AP3B1: variants seen among roughly 807,000 people sequenced by gnomAD.
The protein encoded by AP3B1 is AP-3 complex subunit beta-1.
AP3B1 carries 61 observed loss-of-function variants against 132.5 expected under a neutral mutation model. That is an observed-to-expected ratio of 0.46 (90% confidence interval 0.37 to 0.57). AP3B1 has a LOEUF of 0.57. Ranked by LOEUF, AP3B1 falls within the 20% of genes least tolerant of loss-of-function variation. AP3B1 has a pLI of 0.00. For synonymous variants in AP3B1, 388 were observed against 438.3 expected (o/e 0.89, Z 1.43); for missense variants, 1,120 against 1,289.4 (o/e 0.87, Z 2.01).
At position 78,228,251 on chromosome 5, in the gene AP3B1, A is replaced by G. The variant is rs774665554; in HGVS notation, c.280-12T>C. ...ACCAACTTCTTGATCTGTTAAAAAA[A>G]AATCATTTATTCATAACCAGAGTGA... On this transcript the variant is annotated splice_polypyrimidine_tract_variant and intron_variant, in intron 3 of 26. Coordinates refer to ENST00000255194, the MANE Select transcript of AP3B1 (RefSeq NM_003664.5). 3 of 1,596,440 alleles carry G rather than the reference A, an allele frequency of 1.9e-6. No homozygotes were observed. Among genetic ancestry groups the G allele is most frequent in the Non-Finnish European group, 2.6e-6 (3 of 1,168,442 alleles).
intron 14 of AP3B1, among the ~76,000 whole-genome samples, chr5:78,145,256 CATAGCTAATATCT>C (rs1373150184): frequency 6.6e-6 from 1 of 152,222 alleles, no homozygotes; most frequent in African/African-American, 2.4e-5. Context: ...AAACAAATTA[CATAGCTAATATCT>C]ATTGAGCTCT....
At chr5:78,096,486 G>A (rs1253938197) in intron 21 of AP3B1, among the ~76,000 whole-genome samples, 2 of 151,544 alleles carry the variant, frequency 1.3e-5, no homozygotes, top group Non-Finnish European at 2.9e-5. Context: ...TCTGGGATGT[G>A]AGGAGCCCCT....
intron 22 of AP3B1, among the ~76,000 whole-genome samples, chr5:78,044,944 C>G (rs533590410): frequency 6.4e-4 from 98 of 152,292 alleles, no homozygotes; most frequent in African/African-American, 2.2e-3. Context: ...AATGAATTCA[C>G]CGTCTAAAAA....
At chr5:78,112,090 T>C (rs902060519) in intron 19 of AP3B1, among the ~76,000 whole-genome samples, 3 of 152,080 alleles carry the variant, frequency 2.0e-5, no homozygotes, top group Non-Finnish European at 4.4e-5. Flanking sequence ...TTAAAGCTTA[T>C]TAGGAGCTTT....
intron 21 of AP3B1, among the ~76,000 whole-genome samples, chr5:78,096,162 C>T (rs965289541): frequency 7.2e-5 from 11 of 152,182 alleles, no homozygotes; most frequent in African/African-American, 2.2e-4. Context: ...AGGCGCGCGC[C>T]GCCATGCCTG....
At chr5:78,278,515 C>G in intron 1 of AP3B1, among the ~76,000 whole-genome samples, 1 of 102,486 alleles carries the variant, frequency 9.8e-6, no homozygotes, top group East Asian at 2.9e-4. Context: ...AGGAGAATGG[C>G]GTGAACCCGG....
At chr5:78,207,939 G>A (rs993765420) in intron 7 of AP3B1, among the ~76,000 whole-genome samples, 1 of 152,054 alleles carries the variant, frequency 6.6e-6, no homozygotes, top group African/African-American at 2.4e-5. Flanking sequence ...CAAGAGCCCA[G>A]GTAAAATATC....
intron 24 of AP3B1, among the ~76,000 whole-genome samples, chr5:78,028,419 G>C (rs570844450): frequency 6.6e-6 from 1 of 150,812 alleles, no homozygotes; most frequent in Non-Finnish European, 1.5e-5. Context: ...AGCTGAGAGC[G>C]CCTGGGCAAC....
chr5:78,173,492 A>T (rs1744013316), intron 11 of AP3B1, among the ~76,000 whole-genome samples: 1 of 151,962 alleles, frequency 6.6e-6, no homozygotes, highest in African/African-American at 2.4e-5. Context: ...TGTTGAATTG[A>T]TCCCTTTACC....
At chr5:78,185,194 C>A (rs1457545500) in intron 7 of AP3B1, among the ~76,000 whole-genome samples, 1 of 152,068 alleles carries the variant, frequency 6.6e-6, no homozygotes, top group Non-Finnish European at 1.5e-5. Context: ...ATAAGCAGAC[C>A]TATCCTGAAA....
At chr5:78,127,075 C>T (rs757458218) in intron 17 of AP3B1, among the ~76,000 whole-genome samples, 1 of 152,126 alleles carries the variant, frequency 6.6e-6, no homozygotes, top group Non-Finnish European at 1.5e-5. Context: ...TTAAGAGAAA[C>T]ATTTAATAAT....
chr5:78,209,717 T>C (rs79004425), intron 7 of AP3B1, among the ~76,000 whole-genome samples: 5,896 of 152,172 alleles, frequency 0.039, 183 homozygotes, highest in East Asian at 0.13. Context: ...GCTCAGATAC[T>C]TTTGAGCTCA....
At chr5:78,005,158 T>C (rs1746339191) in intron 26 of AP3B1, among the ~76,000 whole-genome samples, 1 of 152,248 alleles carries the variant, frequency 6.6e-6, no homozygotes, top group African/African-American at 2.4e-5. Context: ...TCATCACGTG[T>C]GTAATTCACT....
chr5:78,294,413 C>T, intron 1 of AP3B1, 39 bp downstream of exon 1: 1 of 1,613,428 alleles, frequency 6.2e-7, no homozygotes, highest in Non-Finnish European at 8.5e-7. Context: ...GTCCGCAGCT[C>T]CTCCCTCCCA....
chr5:78,294,480 A>G lies in AP3B1; in HGVS notation c.100T>C (p.Phe34Leu). The G allele has an allele frequency of 6.2e-7, 1 of 1,614,232 alleles. No individual in the cohort carries two copies. The highest frequency in any genetic ancestry group is 8.5e-7 in the Non-Finnish European group (1 of 1,180,038). The change falls in exon 1 of 27, where the codon TTC becomes CTC. Residue 34 changes from phenylalanine to leucine, a missense_variant. Phe to Leu is a conservative substitution (Grantham distance 22, BLOSUM62 0). This residue lies in a region of AP3B1 where 85 missense variants were observed against 79.9 expected (regional missense o/e 1.06). Coordinates refer to ENST00000255194, the MANE Select transcript of AP3B1 (RefSeq NM_003664.5). ...TTCAAATCGCTGCTAAAGAGGCCGA[A>G]GGCCCCCGAGGGGGAAATGGTTGAG... is the stretch of plus-strand genomic sequence containing the variant. Reference protein sequence around the residue: ...ATSTISPSGAFGLFSSDLKKN... With the variant: ...ATSTISPSGALGLFSSDLKKN...
intron 25 of AP3B1, among the ~76,000 whole-genome samples, chr5:78,017,000 T>TC (rs1236733785): frequency 6.6e-6 from 1 of 152,094 alleles, no homozygotes; most frequent in Non-Finnish European, 1.5e-5. Context: ...AAAGCCTGTT[T>TC]CCCGCAGCAT....
chr5:78,098,103 A>G (rs937872222), intron 21 of AP3B1, among the ~76,000 whole-genome samples: 2 of 150,914 alleles, frequency 1.3e-5, no homozygotes, highest in Non-Finnish European at 3.0e-5. Context: ...AAGAGTCATC[A>G]CCACTCCCTA....
At chr5:78,115,935 T>C (rs1467412410) in intron 18 of AP3B1, 191 bp downstream of exon 18, 7 of 629,096 alleles carry the variant, frequency 1.1e-5, no homozygotes, top group Non-Finnish European at 1.7e-5. Flanking sequence ...TATTGTAAAG[T>C]AAAAAGAGAA....
At chr5:78,146,274 C>T (rs1043286657) in intron 14 of AP3B1, among the ~76,000 whole-genome samples, 1 of 152,170 alleles carries the variant, frequency 6.6e-6, no homozygotes, top group Non-Finnish European at 1.5e-5. Flanking sequence ...TCTGCTACAT[C>T]CCTCATCACC....
Sources: allele counts gnomAD v4.1 joint callset (sites outside exome capture counted in the v4.1 genomes callset), GRCh38; gene constraint gnomAD v4.1.1; regional missense constraint gnomAD v4.1.1; transcripts MANE v1.5; gene names NCBI Gene and HGNC (gene_info 2026-07-23, HGNC 2026-07-21).